DRC8: variants seen among roughly 807,000 people sequenced by gnomAD.
The protein encoded by DRC8 is dynein regulatory complex protein 8.
the DRC8 span, among the ~76,000 whole-genome samples, chr1:245,015,132 C>T: frequency 6.6e-6 from 1 of 151,818 alleles, no homozygotes; most frequent in Non-Finnish European, 1.5e-5. Flanking sequence ...TTTTTCTTTT[C>T]TTTGAGACAA....
the DRC8 span, among the ~76,000 whole-genome samples, chr1:245,112,070 T>TTTTG: frequency 2.6e-5 from 4 of 152,186 alleles, no homozygotes; most frequent in South Asian, 4.1e-4. Context: ...TATTATTTGT[T>TTTTG]TTTGTTTGTT....
At chr1:245,047,597 G>A in the DRC8 span, among the ~76,000 whole-genome samples, 7 of 140,314 alleles carry the variant, frequency 5.0e-5, no homozygotes, top group African/African-American at 1.3e-4. Flanking sequence ...ATGGTGCCAC[G>A]GCACTCCAGC....
the DRC8 span, among the ~76,000 whole-genome samples, chr1:245,113,701 T>C: frequency 1.3e-5 from 2 of 152,074 alleles, no homozygotes; most frequent in Admixed American, 1.3e-4. Flanking sequence ...ACAATAATAA[T>C]ATTAACACCT....
At chr1:245,001,732 G>A in the DRC8 span, among the ~76,000 whole-genome samples, 1 of 152,194 alleles carries the variant, frequency 6.6e-6, no homozygotes, top group African/African-American at 2.4e-5. Flanking sequence ...GAAGGCACAG[G>A]TTACAGGCAA....
chr1:245,025,715 T>C, the DRC8 span, among the ~76,000 whole-genome samples: 1 of 152,228 alleles, frequency 6.6e-6, no homozygotes, highest in African/African-American at 2.4e-5. Flanking sequence ...GATCTCATCT[T>C]GAATTGTCGC....
At chr1:245,000,780 CAA>C in the DRC8 span, among the ~76,000 whole-genome samples, 85,981 of 144,932 alleles carry the variant, frequency 0.59, 25,339 homozygotes, top group East Asian at 0.75. Flanking sequence ...GACTCCATCT[CAA>C]AAAAAAAAAA....
At chr1:245,071,960 TGACAAGAAAGTG>T in the DRC8 span, among the ~76,000 whole-genome samples, 2 of 152,208 alleles carry the variant, frequency 1.3e-5, no homozygotes, top group African/African-American at 4.8e-5. Flanking sequence ...CAACAAATGC[TGACAAGAAAGTG>T]GAGCAGCAGG....
At chr1:245,080,090 G>A in the DRC8 span, among the ~76,000 whole-genome samples, 1 of 152,144 alleles carries the variant, frequency 6.6e-6, no homozygotes, top group Non-Finnish European at 1.5e-5. Flanking sequence ...TTAAAAAATA[G>A]GAGTCATTTG....
chr1:245,037,426 A>G, the DRC8 span, among the ~76,000 whole-genome samples: 6 of 152,224 alleles, frequency 3.9e-5, no homozygotes, highest in Admixed American at 6.5e-5. Context: ...GAATTCACAC[A>G]TTCATAATTT....
the DRC8 span, chr1:244,970,905 T>A: frequency 3.9e-4 from 74 of 189,744 alleles, 1 homozygote; most frequent in South Asian, 2.2e-3. Context: ...GCCTCCACAC[T>A]CTCGCCTGGG....
At chr1:245,006,230 G>C in the DRC8 span, among the ~76,000 whole-genome samples, 3 of 152,170 alleles carry the variant, frequency 2.0e-5, no homozygotes, top group Non-Finnish European at 4.4e-5. Context: ...TGGGTGGAAT[G>C]GGAAGTGAGA....
At chr1:245,061,606 A>G in the DRC8 span, among the ~76,000 whole-genome samples, 27 of 152,336 alleles carry the variant, frequency 1.8e-4, 1 homozygote, top group Admixed American at 1.6e-3. Flanking sequence ...AAAAAAGCAC[A>G]TAAAAAAAGC....
At chr1:245,049,010 G>C in the DRC8 span, among the ~76,000 whole-genome samples, 1 of 145,656 alleles carries the variant, frequency 6.9e-6, no homozygotes, top group African/African-American at 2.6e-5. This position sits in a 1 kb window ranked among gnomAD's most constrained non-coding sequence, Gnocchi z 4.5. Flanking sequence ...TTTTGAGACA[G>C]AGTCCCACTC....
chr1:245,090,245 C>G, the DRC8 span, among the ~76,000 whole-genome samples: 4 of 152,160 alleles, frequency 2.6e-5, no homozygotes, highest in South Asian at 8.3e-4. Flanking sequence ...GAGTGGGTGA[C>G]AGATGGGAGG....
At chr1:245,033,791 G>A in the DRC8 span, among the ~76,000 whole-genome samples, 1 of 151,174 alleles carries the variant, frequency 6.6e-6, no homozygotes, top group African/African-American at 2.4e-5. Context: ...GCGCAATCTC[G>A]GCTCACTGTA....
chr1:245,004,024 A>G, the DRC8 span, among the ~76,000 whole-genome samples: 6 of 132,244 alleles, frequency 4.5e-5, no homozygotes, highest in Non-Finnish European at 8.2e-5. Flanking sequence ...AGTTTTGAGA[A>G]TTGGACTAAA....
At chr1:244,980,787 G>GA in the DRC8 span, among the ~76,000 whole-genome samples, 4 of 152,216 alleles carry the variant, frequency 2.6e-5, no homozygotes, top group Non-Finnish European at 5.9e-5. Context: ...TCTGTTGAAT[G>GA]AAAAATGAGA....
the DRC8 span, chr1:244,970,241 G>A: frequency 1.4e-6 from 1 of 701,830 alleles, no homozygotes; most frequent in Non-Finnish European, 2.5e-6. Context: ...CGCGAAACGG[G>A]GACAGGGCGC....
chr1:245,047,259 T>C, the DRC8 span, among the ~76,000 whole-genome samples: 5,265 of 152,260 alleles, frequency 0.035, 323 homozygotes, highest in African/African-American at 0.12. Flanking sequence ...ATAACATAAA[T>C]GTCAATTAAC....
Sources: allele counts gnomAD v4.1 joint callset (sites outside exome capture counted in the v4.1 genomes callset), GRCh38; gene constraint gnomAD v4.1.1; non-coding constraint Gnocchi (gnomAD v3.1); transcripts MANE v1.5; gene names NCBI Gene and HGNC (gene_info 2026-07-23, HGNC 2026-07-21).